CECR2: variants seen among roughly 807,000 people sequenced by gnomAD.
CECR2 encodes CECR2 histone acetyl-lysine reader, also known as chromatin remodeling regulator CECR2.
Under a neutral mutation model 154.5 loss-of-function variants are expected in CECR2, and 30 were observed. That is an observed-to-expected ratio of 0.19 (90% CI 0.15 to 0.26). The LOEUF (loss-of-function observed/expected upper bound fraction) is 0.26. CECR2 is among the 10% of genes least tolerant of loss of function. The pLI, the probability that CECR2 is intolerant of heterozygous loss-of-function variation, is 1.00. For synonymous variants in CECR2, 725 were observed against 683.7 expected (o/e 1.06, Z -0.94); for missense variants, 1,743 against 1,829.3 (o/e 0.95, Z 0.86).
chr22:17,521,604 T>G (rs535895061), intron 8 of CECR2, among the ~76,000 whole-genome samples: 40 of 152,288 alleles, frequency 2.6e-4, no homozygotes, highest in African/African-American at 8.4e-4. Context: ...TTTGATTTTT[T>G]TTGTTGTTGT....
At position 17,460,553 on chromosome 22, in the gene CECR2, A is replaced by T. The variant is rs985584056; in HGVS notation, c.127-17035A>T. The stretch of plus-strand genomic sequence containing the variant: ...AGGGATTGAAGGTTATTCACATGTG[A>T]TTCCTGTACTCCCCAGTGACCCAGG... On this transcript the variant is annotated intron_variant, in intron 1 of 18. Coordinates refer to ENST00000262608, the MANE Select transcript of CECR2 (RefSeq NM_001290047.2). Among the ~76,000 whole-genome samples, 3 of 152,264 alleles carry T rather than the reference A, an allele frequency of 2.0e-5. No individual in the cohort carries two copies. In the South Asian group the frequency reaches 6.2e-4, roughly 32 times the overall value.
intron 17 of CECR2, 44 bp downstream of exon 17, chr22:17,549,608 GTTTATTTTATGTA>G (rs1211639339): frequency 7.1e-7 from 1 of 1,416,118 alleles, no homozygotes; most frequent in Non-Finnish European, 9.5e-7. Context: ...GAGAACAGAT[GTTTATTTTATGTA>G]TTTATTTTTG....
At chr22:17,415,704 G>A (rs2054147600) in intron 1 of CECR2, among the ~76,000 whole-genome samples, 1 of 152,184 alleles carries the variant, frequency 6.6e-6, no homozygotes, top group Non-Finnish European at 1.5e-5. Context: ...TTTTGCCTTA[G>A]GCTATCTTCG....
chr22:17,453,499 A>G lies in CECR2; in HGVS notation c.127-24089A>G, dbSNP rs145917167. 5.8e-3 allele frequency among the ~76,000 whole-genome samples: 887 copies of G among 152,316 alleles called. 5 individuals are homozygous for G. The highest frequency in any genetic ancestry group is 0.02 in the Middle Eastern group (6 of 294). ...AGTAGTATGTGGATTTGAAAAATTA[A>G]TAAGTGTTGCCAACTTACCTTAGGG... is the stretch of plus-strand genomic sequence containing the variant. On this transcript the variant is annotated intron_variant, in intron 1 of 18. Transcript: ENST00000262608.
rs1179597381 is a variant in CECR2 at position 17,405,666 on chromosome 22, A to ATT, written c.126+35760_126+35761dup. On this transcript the variant is annotated intron_variant, in intron 1 of 18. Coordinates refer to ENST00000262608, the MANE Select transcript of CECR2 (RefSeq NM_001290047.2). Reference sequence around the variant, plus strand: ...AAAAAAAAAAAAAAAAAAAAAAAAAATTTTCAATTGTTTGCTAGTATTAGA... The same window carrying ATT: ...AAAAAAAAAAAAAAAAAAAAAAAAAATTTTTTCAATTGTTTGCTAGTATTAGA... Among the ~76,000 whole-genome samples, 498 of 128,472 alleles carry ATT rather than the reference A, an allele frequency of 3.9e-3. 25 individuals carry two copies. Among genetic ancestry groups the ATT allele is most frequent in the African/African-American group, 0.011 (392 of 35,774 alleles). The allele number at this position is 128,472 out of a possible 152,430, so 84.3% of individuals were successfully genotyped here.
At chr22:17,512,707 GAAAAAAA>G (rs774207282) in intron 8 of CECR2, among the ~76,000 whole-genome samples, 3 of 122,484 alleles carry the variant, frequency 2.4e-5, no homozygotes, top group African/African-American at 1.0e-4. Flanking sequence ...CTCTGTCTCA[GAAAAAAA>G]AAAAAAAAAA....
intron 16 of CECR2, among the ~76,000 whole-genome samples, chr22:17,544,498 A>C (rs1046942005): frequency 5.6e-5 from 4 of 72,020 alleles, no homozygotes; most frequent in Admixed American, 1.2e-4. Context: ...ACTCCATCTC[A>C]AAAAAAAAAA....
At chr22:17,452,192 C>G (rs2054781946) in intron 1 of CECR2, among the ~76,000 whole-genome samples, 1 of 152,208 alleles carries the variant, frequency 6.6e-6, no homozygotes, top group African/African-American at 2.4e-5. Context: ...CCTGTCTCAG[C>G]CTCTGGAATA....
chr22:17,536,096 A>G (rs1246911281), intron 9 of CECR2, among the ~76,000 whole-genome samples: 1 of 152,004 alleles, frequency 6.6e-6, no homozygotes, highest in Non-Finnish European at 1.5e-5. Flanking sequence ...TAAAAATACA[A>G]AATTAGCTGG....
rs766202145 is a variant in CECR2, at chr22:17,548,264, AG to A, written c.2978del (p.Ser993ThrfsTer27). ...CCTGCAGACTGACTGCACCAGGCAG[AG>A]CTCACCACAAGAAAGGGAAACAGTG... Reference protein sequence around the residue: ...PPLQTDCTRQSSPQERETVGP... With the variant: ...PPLQTDCTRQXSPQERETVGP... On this transcript the variant is annotated frameshift_variant, in exon 17 of 19. Coordinates refer to ENST00000262608, the MANE Select transcript of CECR2 (RefSeq NM_001290047.2). LOFTEE classifies it high-confidence loss of function. 1.9e-6 allele frequency: 3 copies of A among 1,605,752 alleles called. No individual in the cohort carries two copies. In the Admixed American group the frequency reaches 5.1e-5, roughly 27 times the overall value.
At chr22:17,524,326 C>T (rs760846394) in intron 9 of CECR2, 55 bp downstream of exon 9, 2 of 1,588,842 alleles carry the variant, frequency 1.3e-6, no homozygotes, top group East Asian at 2.3e-5. Flanking sequence ...ACCAGCCGTC[C>T]TGTAGCCAGA....
chr22:17,512,438 C>G (rs1384898859), intron 8 of CECR2, among the ~76,000 whole-genome samples: 1 of 152,134 alleles, frequency 6.6e-6, no homozygotes, highest in South Asian at 2.1e-4. Context: ...ACAGGTAGCT[C>G]ATGCCTGTAA....
chr22:17,538,449 G>A lies in CECR2; in HGVS notation c.1239-71G>A, dbSNP rs868576914. ...TCTTAGTTCAGTCAGGTGTGTCTGC[G>A]ATAGACCTGAGAGAGCTCAGGAGAG... On this transcript the variant is annotated intron_variant, in intron 10 of 18. Transcript: ENST00000262608. The A allele has an allele frequency of 1.2e-5, 16 of 1,373,906 alleles. No individual in the cohort carries two copies. In the Middle Eastern group the frequency reaches 1.1e-3, roughly 97 times the overall value. 85.1% of individuals were successfully genotyped at this position (1,373,906 alleles called of 1,614,324 possible). A position where few individuals can be genotyped will look rare whatever the true frequency, so the allele number is the denominator to read the frequency against.
At chr22:17,399,820 C>A (rs968022110) in intron 1 of CECR2, among the ~76,000 whole-genome samples, 1 of 152,148 alleles carries the variant, frequency 6.6e-6, no homozygotes, top group African/African-American at 2.4e-5. Flanking sequence ...GTAATTTCAT[C>A]ATTTCCCAAC....
chr22:17,382,054 ATTTT>A lies in CECR2; in HGVS notation c.126+12159_126+12162del, dbSNP rs10680101. 1.7e-3 allele frequency among the ~76,000 whole-genome samples: 251 copies of A among 146,042 alleles called. 4 individuals are homozygous for A. Among genetic ancestry groups the A allele is most frequent in the Middle Eastern group, 0.011 (3 of 280 alleles). ...AGGCGCCTGCCACCACGCCCTGCTA[ATTTT>A]TTTTTTTTTTTTTAGTAGGGACGAG... On this transcript the variant is annotated intron_variant, in intron 1 of 18. Coordinates refer to ENST00000262608, the MANE Select transcript of CECR2 (RefSeq NM_001290047.2).
chr22:17,441,038 A>G (rs1032564984), intron 1 of CECR2, among the ~76,000 whole-genome samples: 1 of 151,910 alleles, frequency 6.6e-6, no homozygotes, highest in Non-Finnish European at 1.5e-5. Flanking sequence ...GCTTACCACA[A>G]CCCGGGTTCA....
At chr22:17,380,435 C>T (rs1295187889) in intron 1 of CECR2, among the ~76,000 whole-genome samples, 1 of 152,184 alleles carries the variant, frequency 6.6e-6, no homozygotes, top group African/African-American at 2.4e-5. Flanking sequence ...ATGTCATATG[C>T]GTATAAGTTT....
intron 1 of CECR2, among the ~76,000 whole-genome samples, chr22:17,404,511 C>T (rs1170661495): frequency 2.2e-5 from 3 of 138,884 alleles, no homozygotes; most frequent in Non-Finnish European, 3.1e-5. Flanking sequence ...GTAGCTGGGA[C>T]TACAGGCGCC....
At chr22:17,552,311 A>C (rs572622163) in intron 18 of CECR2, among the ~76,000 whole-genome samples, 169 bp downstream of exon 18, 1 of 152,288 alleles carries the variant, frequency 6.6e-6, no homozygotes, top group South Asian at 2.1e-4. Flanking sequence ...AGGCCTCGGA[A>C]GTCACCTCTC....
Sources: allele counts gnomAD v4.1 joint callset (sites outside exome capture counted in the v4.1 genomes callset), GRCh38; gene constraint gnomAD v4.1.1; transcripts MANE v1.5; gene names NCBI Gene and HGNC (gene_info 2026-07-23, HGNC 2026-07-21).